TEX11: variants seen among roughly 807,000 people sequenced by gnomAD.
TEX11 encodes testis expressed 11, also known as testis-expressed protein 11.
In TEX11, 7 loss-of-function variants were observed where a neutral mutation model predicts 84.4. That is an observed-to-expected ratio of 0.08 (90% CI 0.05 to 0.16). TEX11 has a LOEUF of 0.16. Ranked by LOEUF, TEX11 falls within the 10% of genes least tolerant of loss-of-function variation. The probability of loss-of-function intolerance (pLI) is 1.00; values close to 1 mark genes in which losing one functional copy is unlikely to be tolerated. For synonymous variants in TEX11, 264 were observed against 222.8 expected (o/e 1.18, Z -1.64); for missense variants, 551 against 660.5 (o/e 0.83, Z 1.82).
At chrX:70,641,535 A>G (rs2089658421) in intron 17 of TEX11, among the ~76,000 whole-genome samples, 1 of 111,628 alleles carries the variant, frequency 9.0e-6, no homozygotes, top group Admixed American at 9.6e-5. Flanking sequence ...TCTCCTCAGC[A>G]AATGTAAAAG....
chrX:70,750,933 A>AATATATATATATATAT lies in TEX11; in HGVS notation c.693-6730_693-6715dup, dbSNP rs1169707708. 6.9e-3 allele frequency among the ~76,000 whole-genome samples: 194 copies of AATATATATATATATAT among 28,074 alleles called. 1 individual carries two copies. The highest frequency in any genetic ancestry group is 0.01 in the Non-Finnish European group (143 of 14,267). The allele number at this position is 28,074 out of a possible 115,157, so 24.4% of individuals were successfully genotyped here. A position where few individuals can be genotyped will look rare whatever the true frequency, so the allele number is the denominator to read the frequency against. On this transcript the variant is annotated intron_variant, in intron 9 of 29. Coordinates refer to ENST00000374333, the MANE Select transcript of TEX11 (RefSeq NM_031276.3). ...ACTTAAAGTATAATAAAAAAAAAAA[A>AATATATATATATATAT]ATATATATATATATATATATATATA...
At chrX:70,537,350 A>G (rs1255276131) in intron 28 of TEX11, among the ~76,000 whole-genome samples, 1 of 111,479 alleles carries the variant, frequency 9.0e-6, no homozygotes, top group Non-Finnish European at 1.9e-5. Flanking sequence ...GCTTAACAGA[A>G]TGAATCTGTA....
At chrX:70,844,282 T>C (rs922827561) in intron 7 of TEX11, among the ~76,000 whole-genome samples, 11 of 108,577 alleles carry the variant, frequency 1.0e-4, no homozygotes, top group African/African-American at 3.7e-4. Context: ...TATGCAGCCA[T>C]AAAAAAGGAT....
chrX:70,729,508 G>A (rs774224977), intron 11 of TEX11, among the ~76,000 whole-genome samples: 18 of 112,165 alleles, frequency 1.6e-4, no homozygotes, highest in African/African-American at 5.8e-4. Context: ...ACTACGTGAT[G>A]AATGCACAAG....
At chrX:70,515,065 T>TCACACACACACA in the TEX11 span, among the ~76,000 whole-genome samples, 44 of 87,615 alleles carry the variant, frequency 5.0e-4, no homozygotes, top group South Asian at 5.6e-4. Context: ...TGAAACTCGG[T>TCACACACACACA]CACACACACA....
chrX:70,519,119 G>A, the TEX11 span, among the ~76,000 whole-genome samples: 33 of 111,942 alleles, frequency 2.9e-4, 1 homozygote, highest in African/African-American at 1.1e-3. Context: ...TACATTTAAA[G>A]TTAATATTGT....
chrX:70,748,453 T>A (rs1322890655), intron 9 of TEX11, among the ~76,000 whole-genome samples: 2 of 111,801 alleles, frequency 1.8e-5, no homozygotes, highest in Non-Finnish European at 3.8e-5. Flanking sequence ...TCTGTGAAAT[T>A]TGTTGCCATT....
At chrX:70,786,768 A>G (rs770189150) in intron 9 of TEX11, among the ~76,000 whole-genome samples, 2 of 112,052 alleles carry the variant, frequency 1.8e-5, no homozygotes, top group East Asian at 5.6e-4. Flanking sequence ...AAATATGCAA[A>G]ACGTAAATGT....
intron 15 of TEX11, among the ~76,000 whole-genome samples, chrX:70,677,907 G>A (rs578054485): frequency 2.6e-4 from 26 of 98,624 alleles, no homozygotes; most frequent in Middle Eastern, 5.6e-3. Context: ...TCTGCCTCCC[G>A]GGTTCAAGCG....
At chrX:70,591,688 C>T in intron 25 of TEX11, 63 bp downstream of exon 25, 1 of 905,498 alleles carries the variant, frequency 1.1e-6, no homozygotes. Context: ...TGACAAAAGA[C>T]TTGTTTATTC....
intron 20 of TEX11, among the ~76,000 whole-genome samples, chrX:70,615,078 G>A: frequency 9.0e-6 from 1 of 110,500 alleles, no homozygotes; most frequent in Non-Finnish European, 1.9e-5. Context: ...AGAAGGACAG[G>A]TACAAATAAG....
chrX:70,579,270 C>T (rs1384265180), intron 25 of TEX11, among the ~76,000 whole-genome samples: 14 of 105,401 alleles, frequency 1.3e-4, no homozygotes, highest in African/African-American at 3.8e-4. Flanking sequence ...GGGTGGATCA[C>T]GAGGTCAGGA....
At chrX:70,691,662 T>C (rs5981002) in intron 13 of TEX11, among the ~76,000 whole-genome samples, 30,332 of 110,111 alleles carry the variant, frequency 0.28, 3,137 homozygotes, top group Admixed American at 0.41. Context: ...CAGAGTTTCA[T>C]TGGGTGGGGG....
intron 28 of TEX11, among the ~76,000 whole-genome samples, chrX:70,544,578 A>G (rs913707993): frequency 9.1e-6 from 1 of 110,165 alleles, no homozygotes; most frequent in African/African-American, 3.3e-5. Context: ...TTCCTTTATA[A>G]ACTGTAATCC....
chrX:70,601,534 C>CT (rs1182961993), intron 24 of TEX11, among the ~76,000 whole-genome samples: 7,996 of 63,273 alleles, frequency 0.13, 620 homozygotes, highest in Admixed American at 0.28. Context: ...CAGCATCATT[C>CT]TTTTTTTTTT....
At chrX:70,747,446 A>G (rs760245009) in intron 9 of TEX11, among the ~76,000 whole-genome samples, 4 of 112,621 alleles carry the variant, frequency 3.6e-5, no homozygotes, top group Admixed American at 9.4e-5. Context: ...AATAAAAACA[A>G]TAAGCCCCAG....
chrX:70,811,623 C>G (rs2091255169), intron 8 of TEX11, among the ~76,000 whole-genome samples: 1 of 111,192 alleles, frequency 9.0e-6, no homozygotes, highest in Non-Finnish European at 1.9e-5. Flanking sequence ...AATGGTTGAA[C>G]TAGTTTACAG....
intron 9 of TEX11, among the ~76,000 whole-genome samples, chrX:70,759,697 C>T (rs1296995205): frequency 9.0e-6 from 1 of 111,385 alleles, no homozygotes; most frequent in Non-Finnish European, 1.9e-5. Flanking sequence ...CCTTTGAAAA[C>T]CGGCACAAGA....
intron 9 of TEX11, among the ~76,000 whole-genome samples, chrX:70,765,201 C>G (rs750755863): frequency 5.6e-4 from 62 of 111,503 alleles, no homozygotes; most frequent in Admixed American, 3.8e-4. Flanking sequence ...GCCTGGCCAA[C>G]ATGGTGAAAC....
Sources: gnomAD v4.1 joint callset for allele counts (sites outside exome capture counted in the v4.1 genomes callset) on GRCh38, gnomAD v4.1.1 for gene constraint, MANE v1.5 for transcripts, NCBI Gene and HGNC (gene_info 2026-07-23, HGNC 2026-07-21) for gene names.